Variants in HSF2 observed in about 807,000 individuals in gnomAD.
The protein encoded by HSF2 is heat shock factor protein 2.
In HSF2, 21 loss-of-function variants were observed where a neutral mutation model predicts 65.0. The ratio of observed to expected loss-of-function variants is 0.32; its 90% confidence interval spans 0.23 to 0.47. The LOEUF is 0.47. Ranked by LOEUF, HSF2 falls within the 20% of genes least tolerant of loss-of-function variation. The pLI is 1.00. For missense variants in HSF2, 499 were observed against 628.1 expected (o/e 0.79, Z 2.20); for synonymous variants, 225 against 219.1 (o/e 1.03, Z -0.24).
At chr6:122,419,024 G>T (rs1345802292) in intron 5 of HSF2, 144 bp from the exon 6 acceptor site, 3 of 555,752 alleles carry the variant, frequency 5.4e-6, no homozygotes, top group Non-Finnish European at 3.2e-6. Context: ...GTTCTACGGT[G>T]CGTCTGGATT....
chr6:122,407,641 G>A (rs983066763), intron 1 of HSF2, among the ~76,000 whole-genome samples: 1 of 151,330 alleles, frequency 6.6e-6, no homozygotes, highest in Non-Finnish European at 1.5e-5. Flanking sequence ...ACATATTCGA[G>A]TTTATGTTTT....
intron 8 of HSF2, 107 bp from the exon 9 acceptor site, chr6:122,422,611 C>A (rs773388281): frequency 1.8e-5 from 21 of 1,158,944 alleles, no homozygotes; most frequent in Non-Finnish European, 2.6e-5. Flanking sequence ...AAATTTAAGC[C>A]TTTCAGTATG....
chr6:122,426,223 A>T (rs556583226), intron 10 of HSF2, among the ~76,000 whole-genome samples: 4 of 152,222 alleles, frequency 2.6e-5, no homozygotes, highest in Admixed American at 2.6e-4. Flanking sequence ...AAATGGTAAG[A>T]ATGTGAATAA....
rs750436325 is a variant in HSF2 at position 122,431,478 on chromosome 6, G to A, written c.1279G>A (p.Val427Ile). 18 of 1,593,332 alleles carry A rather than the reference G, an allele frequency of 1.1e-5. No homozygotes were observed. Among genetic ancestry groups the A allele is most frequent in the Non-Finnish European group, 1.5e-5 (17 of 1,166,392 alleles). The change falls in exon 12 of 13, where the codon GTT (valine) becomes ATT (isoleucine). Residue 427 changes from valine to isoleucine, a missense_variant. Val to Ile is a conservative substitution (Grantham distance 29). Around this residue, in one of 2 missense-constraint regions of HSF2, gnomAD observed 349 missense variants for 393.5 expected, o/e 0.89. Transcript: ENST00000368455. ...ETTKNNVVQP[V>I]SEEGRKSKSK... ...TACCAAGAACAATGTAGTTCAGCCA[G>A]TTTCGGAAGAGGGAAGAAAATCTAA...
intron 1 of HSF2, among the ~76,000 whole-genome samples, chr6:122,401,851 A>G (rs1773741220): frequency 6.6e-6 from 1 of 152,206 alleles, no homozygotes; most frequent in African/African-American, 2.4e-5. Flanking sequence ...GGTTAGCCTT[A>G]TCATTGTATA....
intron 1 of HSF2, among the ~76,000 whole-genome samples, chr6:122,402,393 AATGTT>A (rs2114416214): frequency 6.6e-6 from 1 of 152,314 alleles, no homozygotes; most frequent in South Asian, 2.1e-4. Flanking sequence ...CTTTAACAAT[AATGTT>A]AGGTGGAAAA....
Position 122,401,122 on chromosome 6 carries a change from A to T in HSF2, c.93+1292A>T, listed in dbSNP as rs138160509. ...TTTGTGTGTTCTTTATGAGCAACTG[A>T]GTTATCCTTTTAGCCCCACTCCCTG... On this transcript the variant is annotated intron_variant, in intron 1 of 12. Transcript: ENST00000368455. Among the ~76,000 whole-genome samples the T allele has an allele frequency of 4.1e-4, 62 of 152,272 alleles. 1 individual carries two copies. The highest frequency in any genetic ancestry group is 1.3e-3 in the African/African-American group (54 of 41,554).
At chr6:122,430,926 G>C (rs1774450006) in intron 11 of HSF2, among the ~76,000 whole-genome samples, 2 of 152,084 alleles carry the variant, frequency 1.3e-5, no homozygotes, top group Admixed American at 1.3e-4. Context: ...CAACTTTGAG[G>C]CTTCTAAATA....
intron 1 of HSF2, 110 bp downstream of exon 1, chr6:122,399,940 C>A: frequency 1.2e-6 from 1 of 848,156 alleles, no homozygotes; most frequent in South Asian, 1.4e-5. Context: ...TCTGCGAGGC[C>A]CGCGGTGCGG....
chr6:122,420,700 C>CTTTTTTTTTTTTTTTTT lies in HSF2; in HGVS notation c.681+491_681+507dup, dbSNP rs59305295. ...ACATAGCGATTTAGTTTATTCATTTCTTTTTTTTTTTTTTTTTTTTTTTTT... is the reference window on the plus strand; with the variant it reads ...ACATAGCGATTTAGTTTATTCATTTCTTTTTTTTTTTTTTTTTTTTTTTTTTTTTTTTTTTTTTTTTT... On this transcript the variant is annotated intron_variant, in intron 7 of 12. Transcript: ENST00000368455. Among the ~76,000 whole-genome samples the CTTTTTTTTTTTTTTTTT allele has an allele frequency of 2.8e-4, 8 of 28,572 alleles. 4 individuals are homozygous for CTTTTTTTTTTTTTTTTT. The highest frequency in any genetic ancestry group is 2.1e-3 in the East Asian group (2 of 954). The allele number at this position is 28,572 out of a possible 152,430, so 18.7% of individuals were successfully genotyped here.
At chr6:122,401,858 T>C (rs913886288) in intron 1 of HSF2, among the ~76,000 whole-genome samples, 9 of 152,188 alleles carry the variant, frequency 5.9e-5, no homozygotes, top group Admixed American at 1.3e-4. Context: ...CTTATCATTG[T>C]ATAGATGAGG....
chr6:122,410,617 C>G (rs1295142246), intron 1 of HSF2, among the ~76,000 whole-genome samples: 1 of 151,818 alleles, frequency 6.6e-6, no homozygotes, highest in Non-Finnish European at 1.5e-5. Context: ...TACTTTTTGT[C>G]TCTGAAATTG....
Position 122,432,226 on chromosome 6 carries a change from C to G in HSF2, c.*6C>G, listed in dbSNP as rs1774491057. Reference sequence around the variant, plus strand: ...TGCCACTTTTAGATAGCTAAATCCCCAGGAAGTGGACTTTACATGTATATA... The same window carrying G: ...TGCCACTTTTAGATAGCTAAATCCCGAGGAAGTGGACTTTACATGTATATA... On this transcript the variant is annotated 3_prime_UTR_variant, in exon 13 of 13. Transcript: ENST00000368455. 6.2e-7 allele frequency: 1 copy of G among 1,600,408 alleles called. No individual in the cohort carries two copies. The highest frequency in any genetic ancestry group is 1.1e-5 in the South Asian group (1 of 90,108).
At chr6:122,411,307 G>T (rs1240731845) in intron 1 of HSF2, among the ~76,000 whole-genome samples, 1 of 151,160 alleles carries the variant, frequency 6.6e-6, no homozygotes, top group South Asian at 2.1e-4. Flanking sequence ...GGTTGTTTGG[G>T]TTTTTTTTGT....
chr6:122,413,884 G>T (rs1031220823), intron 4 of HSF2, among the ~76,000 whole-genome samples: 1 of 152,006 alleles, frequency 6.6e-6, no homozygotes, highest in Non-Finnish European at 1.5e-5. Context: ...AAACCTAAGC[G>T]TATCAAAACA....
In HSF2 at chr6:122,420,198, A is replaced by T. The variant is rs769076386; in HGVS notation, c.657A>T (p.Glu219Asp). 8.1e-6 allele frequency: 13 copies of T among 1,602,684 alleles called. No homozygotes were observed. In the South Asian group the frequency reaches 1.4e-4, roughly 18 times the overall value. ...KKNLFQHIVK[E>D]PTDNHHHKVP... is the part of the protein sequence containing the mutation. ...ACCTGTTTCAGCACATAGTCAAAGAACCAACTGATAATCATCATCATAAAG... is the reference window on the plus strand; with the variant it reads ...ACCTGTTTCAGCACATAGTCAAAGATCCAACTGATAATCATCATCATAAAG... The change falls in exon 7 of 13, where the codon GAA (glutamate) becomes GAT (aspartate). Residue 219 changes from glutamate (E) to aspartate (D), a missense_variant. Physicochemically the swap from Glu to Asp is conservative, Grantham distance 45 (BLOSUM62 2). Coordinates refer to ENST00000368455, the MANE Select transcript of HSF2 (RefSeq NM_004506.4).
intron 7 of HSF2, among the ~76,000 whole-genome samples, 173 bp from the exon 8 acceptor site, chr6:122,421,977 T>C (rs897907851): frequency 6.6e-6 from 1 of 152,150 alleles, no homozygotes; most frequent in Admixed American, 6.6e-5. Context: ...CCTCTGTGAA[T>C]TGGTGCTGCT....
In HSF2 at chr6:122,422,885, C is replaced by G; in HGVS notation, c.998C>G (p.Ser333Cys). The G allele has an allele frequency of 6.2e-7, 1 of 1,613,556 alleles. No homozygotes were observed. The highest frequency in any genetic ancestry group is 8.5e-7 in the Non-Finnish European group (1 of 1,179,672). ...AGTGCTGTCCAGCTAAATGGCTCAT[C>G]CAGTCTGACCTCAGAAGATCCAGTG... ...MSSAVQLNGS[S>C]SLTSEDPVTM... is the part of the protein sequence containing the mutation. The change falls in exon 9 of 13, where the codon TCC becomes TGC. Residue 333 changes from serine to cysteine, a missense_variant. Coordinates refer to ENST00000368455, the MANE Select transcript of HSF2 (RefSeq NM_004506.4).
At chr6:122,406,683 G>A (rs564544122) in intron 1 of HSF2, among the ~76,000 whole-genome samples, 57 of 152,292 alleles carry the variant, frequency 3.7e-4, no homozygotes, top group South Asian at 1.0e-3. Context: ...CATAAATTTG[G>A]TTTGAACTAC....
Sources: allele counts gnomAD v4.1 joint callset (sites outside exome capture counted in the v4.1 genomes callset), GRCh38; gene constraint gnomAD v4.1.1; regional missense constraint gnomAD v4.1.1; transcripts MANE v1.5; gene names NCBI Gene and HGNC (gene_info 2026-07-23, HGNC 2026-07-21).